The following CHFR variants were observed in gnomAD, a reference collection of about 807,000 sequenced individuals.
CHFR encodes checkpoint with forkhead and ring finger domains.
A neutral mutation model predicts 87.6 loss-of-function variants in CHFR; 57 were observed. The ratio of observed to expected loss-of-function variants is 0.65; its 90% CI spans 0.53 to 0.81. The LOEUF (loss-of-function observed/expected upper bound fraction) is 0.81, where lower values mean the gene tolerates loss of function less well. CHFR is among the 30% of genes least tolerant of loss of function. CHFR has a pLI of 0.00. For synonymous variants in CHFR, 381 were observed against 359.2 expected, an observed-to-expected ratio of 1.06 and a Z score of -0.69; for missense variants, 797 against 865.8, an observed-to-expected ratio of 0.92 and a Z score of 1.00.
intron 8 of CHFR, among the ~76,000 whole-genome samples, chr12:132,858,841 G>C (rs1302507265): frequency 3.4e-5 from 5 of 148,846 alleles, no homozygotes; most frequent in Non-Finnish European, 7.4e-5. Context: ...CAACTCAGAA[G>C]GCTGAGGTCA....
At chr12:132,868,521 CA>C (rs58162770) in intron 6 of CHFR, among the ~76,000 whole-genome samples, 1 of 136,260 alleles carries the variant, frequency 7.3e-6, no homozygotes, top group Non-Finnish European at 1.6e-5. Context: ...AAACAAAAAA[CA>C]AAAAAAAATT....
rs537508825 is a variant in CHFR, at chr12:132,879,510, C to A, written c.134-1856G>T. 8.5e-5 allele frequency among the ~76,000 whole-genome samples: 13 copies of A among 152,104 alleles called. No individual in the cohort carries two copies. In the East Asian group the frequency reaches 2.5e-3, roughly 30 times the overall value. ...GGTTCAAGCGATTCTCCTGCCTCAG[C>A]CTCCTGAGTAGCTGGGATTACAGGC... On this transcript the variant is annotated intron_variant, in intron 2 of 17. Coordinates refer to ENST00000450056, the MANE Select transcript of CHFR (RefSeq NM_001161346.2).
rs148239859 is a variant in CHFR at position 132,885,778 on chromosome 12, T to C, written c.133+1418A>G. On this transcript the variant is annotated intron_variant, in intron 2 of 17. Transcript: ENST00000450056. ...AAGTAGGTACATAGGCGCAGAAAGA[T>C]GTCGTTAGCCCAGAGTAATGTGTTG... Among the ~76,000 whole-genome samples the C allele has an allele frequency of 2.6e-4, 39 of 152,318 alleles. No individual in the cohort carries two copies. The East Asian group carries it at 6.0e-3, about 23-fold the overall frequency.
At chr12:132,886,801 C>G (rs1324480963) in intron 2 of CHFR, among the ~76,000 whole-genome samples, 1 of 152,160 alleles carries the variant, frequency 6.6e-6, no homozygotes, top group Non-Finnish European at 1.5e-5. Context: ...AACAAGGTCC[C>G]CGTTGTAAAG....
rs768762435 is a variant in CHFR, at chr12:132,838,543, T to C, written c.*3011A>G. ...CACAGAGGGAGCCGCAGATGAGGAG[T>C]GCGTGGGGAGACGGTCTGTGGGGCC... On this transcript the variant is annotated 3_prime_UTR_variant, in exon 18 of 18. Transcript: ENST00000450056. 3 of 152,344 alleles carry C rather than the reference T, an allele frequency of 2.0e-5. No individual in the cohort carries two copies. Among genetic ancestry groups the C allele is most frequent in the Non-Finnish European group, 2.9e-5 (2 of 68,266 alleles). 9.4% of individuals were successfully genotyped at this position (152,344 alleles called of 1,614,324 possible). A position where few individuals can be genotyped will look rare whatever the true frequency, so the allele number is the denominator to read the frequency against.
intron 6 of CHFR, chr12:132,867,722 T>C (rs940783299): frequency 4.6e-5 from 7 of 152,022 alleles, no homozygotes; most frequent in Non-Finnish European, 1.0e-4. Context: ...TGCTATGGAA[T>C]GTAAGAACGC....
intron 3 of CHFR, among the ~76,000 whole-genome samples, chr12:132,873,631 G>C (rs1049056810): frequency 2.2e-5 from 3 of 139,438 alleles, no homozygotes; most frequent in African/African-American, 8.0e-5. Flanking sequence ...CTGCTCCACA[G>C]GGCTGGCTAC....
chr12:132,884,411 G>A lies in CHFR; in HGVS notation c.133+2785C>T, dbSNP rs1186815873. Among the ~76,000 whole-genome samples the A allele has an allele frequency of 1.2e-4, 12 of 102,212 alleles. No homozygotes were observed. The East Asian group carries it at 1.3e-3, about 11-fold the overall frequency. 67.1% of individuals were successfully genotyped at this position (102,212 alleles called of 152,430 possible). A position where few individuals can be genotyped will look rare whatever the true frequency, so the allele number is the denominator to read the frequency against. ...GCCTGGGCAATAAGAGCAAAACTCC[G>A]TCTCAAAAAAAAAAATACATATATA... On this transcript the variant is annotated intron_variant, in intron 2 of 17. Transcript: ENST00000450056.
intron 2 of CHFR, among the ~76,000 whole-genome samples, chr12:132,884,701 G>A (rs1310580084): frequency 6.6e-6 from 1 of 152,174 alleles, no homozygotes; most frequent in Non-Finnish European, 1.5e-5. Context: ...GACACAGCAA[G>A]AAAGTGGCCA....
At chr12:132,868,572 C>T (rs1292319710) in intron 6 of CHFR, among the ~76,000 whole-genome samples, 1 of 151,940 alleles carries the variant, frequency 6.6e-6, no homozygotes, top group Non-Finnish European at 1.5e-5. Context: ...CCCAGCTACT[C>T]GGGAGGCTGA....
At chr12:132,861,739 G>A in intron 6 of CHFR, 105 bp from the exon 7 acceptor site, 1 of 1,048,076 alleles carries the variant, frequency 9.5e-7, no homozygotes, top group South Asian at 1.5e-5. Context: ...GGCAGCCTGA[G>A]ATGTCGTAGT....
At chr12:132,885,136 G>C (rs565998705) in intron 2 of CHFR, among the ~76,000 whole-genome samples, 1 of 151,264 alleles carries the variant, frequency 6.6e-6, no homozygotes, top group Non-Finnish European at 1.5e-5. Context: ...CTGGCCGGGC[G>C]CGATAGCTCA....
At chr12:132,866,631 A>T (rs1038720780) in intron 6 of CHFR, 1 of 152,128 alleles carries the variant, frequency 6.6e-6, no homozygotes, top group African/African-American at 2.4e-5. Flanking sequence ...CACACCGCGT[A>T]ACACCAAATG....
chr12:132,884,515 C>T (rs1951843689), intron 2 of CHFR, among the ~76,000 whole-genome samples: 2 of 152,084 alleles, frequency 1.3e-5, no homozygotes, highest in Non-Finnish European at 2.9e-5. Context: ...GTCTGTACCC[C>T]CCTAAAATTC....
intron 16 of CHFR, among the ~76,000 whole-genome samples, chr12:132,843,484 A>G (rs1487500365): frequency 6.6e-6 from 1 of 152,130 alleles, no homozygotes; most frequent in Non-Finnish European, 1.5e-5. Context: ...AAATAAAATT[A>G]CCCCAGTTGA....
intron 8 of CHFR, among the ~76,000 whole-genome samples, chr12:132,858,174 T>C (rs1951125743): frequency 6.6e-6 from 1 of 152,106 alleles, no homozygotes; most frequent in South Asian, 2.1e-4. Flanking sequence ...CTGGCTAATA[T>C]GGTGAAACTC....
At chr12:132,873,643 G>C (rs894290602) in intron 3 of CHFR, among the ~76,000 whole-genome samples, 1 of 138,378 alleles carries the variant, frequency 7.2e-6, no homozygotes, top group Non-Finnish European at 1.6e-5. Flanking sequence ...GCTGGCTACG[G>C]GGCTGGAGTG....
At position 132,841,386 on chromosome 12, in the gene CHFR, A is replaced by C. The variant is rs935595520; in HGVS notation, c.*168T>G. ...CCCCCGGGGCTCTGGGGAGGGTCTC[A>C]CTCAGAGGGTAAAGCTCCACAGAAG... On this transcript the variant is annotated 3_prime_UTR_variant, in exon 18 of 18. Transcript: ENST00000450056. 1.6e-6 allele frequency: 1 copy of C among 609,212 alleles called. No homozygotes were observed. The highest frequency in any genetic ancestry group is 1.9e-5 in the South Asian group (1 of 51,300). 37.7% of individuals were successfully genotyped at this position (609,212 alleles called of 1,614,324 possible).
At chr12:132,883,409 G>A (rs1379635505) in intron 2 of CHFR, among the ~76,000 whole-genome samples, 1 of 134,762 alleles carries the variant, frequency 7.4e-6, no homozygotes, top group Non-Finnish European at 1.6e-5. Context: ...CTGAGAAATA[G>A]GAGTGAAACT....
Sources: gnomAD v4.1 joint callset for allele counts (sites outside exome capture counted in the v4.1 genomes callset) on GRCh38, gnomAD v4.1.1 for gene constraint, MANE v1.5 for transcripts, NCBI Gene and HGNC (gene_info 2026-07-23, HGNC 2026-07-21) for gene names.